LUZP2: variants seen among roughly 807,000 people sequenced by gnomAD.
LUZP2 encodes the protein leucine zipper protein 2.
Under a neutral mutation model 51.6 loss-of-function variants are expected in LUZP2, and 52 were observed. The ratio of observed to expected loss-of-function variants is 1.01; its 90% CI spans 0.81 to 1.27. The LOEUF (loss-of-function observed/expected upper bound fraction) is 1.27. Among genes scored for constraint, LUZP2 ranks in the 50% most tolerant of loss-of-function variants. The probability of loss-of-function intolerance (pLI) is 0.00; values close to 1 mark genes in which losing one functional copy is unlikely to be tolerated. For synonymous variants in LUZP2, 154 were observed against 137.3 expected (o/e 1.12, Z -0.85); for missense variants, 436 against 395.4 (o/e 1.10, Z -0.87).
intron 7 of LUZP2, among the ~76,000 whole-genome samples, chr11:24,915,991 A>C (rs1489267006): frequency 6.6e-6 from 1 of 151,850 alleles, no homozygotes; most frequent in Non-Finnish European, 1.5e-5. Context: ...ATTTTATTTT[A>C]TTTTTTATTT....
chr11:25,002,749 G>A (rs879743568), intron 9 of LUZP2, among the ~76,000 whole-genome samples: 7 of 152,176 alleles, frequency 4.6e-5, no homozygotes, highest in Admixed American at 2.0e-4. Context: ...TCTCTCTGAT[G>A]TATAAAAAGA....
At chr11:25,061,791 C>A (rs1005257321) in intron 10 of LUZP2, among the ~76,000 whole-genome samples, 1 of 152,010 alleles carries the variant, frequency 6.6e-6, no homozygotes, top group Admixed American at 6.6e-5. Context: ...CATCTCTATC[C>A]ATTCTTTCCC....
intron 1 of LUZP2, among the ~76,000 whole-genome samples, chr11:24,687,705 G>T (rs1856936567): frequency 6.6e-6 from 1 of 152,046 alleles, no homozygotes; most frequent in South Asian, 2.1e-4. Flanking sequence ...CTATTTCCTG[G>T]CATCATTGAC....
At chr11:24,629,198 G>A (rs530520048) in intron 1 of LUZP2, among the ~76,000 whole-genome samples, 11 of 151,564 alleles carry the variant, frequency 7.3e-5, no homozygotes, top group Middle Eastern at 3.4e-3. Context: ...AACATACATT[G>A]TACCCATTAA....
In LUZP2 at chr11:25,082,474, A is replaced by C. The variant is rs528265218; in HGVS notation, c.*3816A>C. On this transcript the variant is annotated 3_prime_UTR_variant, in exon 12 of 12. Coordinates refer to ENST00000336930, the MANE Select transcript of LUZP2 (RefSeq NM_001009909.4). ...GCCAGACCTAGACAATGAAGAAAAC[A>C]CATACTGTTTACTTAGGAGACATTT... The C allele has an allele frequency of 8.3e-4, 127 of 152,686 alleles. No individual in the cohort carries two copies. The highest frequency in any genetic ancestry group is 2.9e-3 in the African/African-American group (121 of 41,588). 9.5% of individuals were successfully genotyped at this position (152,686 alleles called of 1,614,324 possible).
chr11:24,958,235 C>A (rs1369437419), intron 7 of LUZP2, among the ~76,000 whole-genome samples: 3 of 152,110 alleles, frequency 2.0e-5, no homozygotes, highest in African/African-American at 4.8e-5. Flanking sequence ...GTCTTTATAG[C>A]AGCATGATTT....
intron 1 of LUZP2, among the ~76,000 whole-genome samples, chr11:24,535,030 T>G (rs1851131991): frequency 6.6e-6 from 1 of 151,442 alleles, no homozygotes; most frequent in South Asian, 2.1e-4. Context: ...ACGTTTTGCT[T>G]TCCCAGTACA....
At chr11:24,765,593 A>G (rs985319058) in intron 5 of LUZP2, among the ~76,000 whole-genome samples, 1 of 151,370 alleles carries the variant, frequency 6.6e-6, no homozygotes, top group Non-Finnish European at 1.5e-5. Context: ...TGAGATAGAC[A>G]GCAACACAAT....
Position 24,602,269 on chromosome 11 carries a change from C to T in LUZP2, c.62+104964C>T, listed in dbSNP as rs1471302601. Reference sequence around the variant, plus strand: ...GTATATATATGCAAACATATATGTACATACATATATACACACATATATATG... The same window carrying T: ...GTATATATATGCAAACATATATGTATATACATATATACACACATATATATG... On this transcript the variant is annotated intron_variant, in intron 1 of 11. Transcript: ENST00000336930. Among the ~76,000 whole-genome samples, 313 of 84,278 alleles carry T rather than the reference C, an allele frequency of 3.7e-3. 1 individual carries two copies. Among genetic ancestry groups the T allele is most frequent in the African/African-American group, 0.011 (189 of 17,560 alleles). 55.3% of individuals were successfully genotyped at this position (84,278 alleles called of 152,430 possible).
chr11:24,690,486 A>G (rs1268912864), intron 1 of LUZP2, among the ~76,000 whole-genome samples: 1 of 152,138 alleles, frequency 6.6e-6, no homozygotes, highest in Non-Finnish European at 1.5e-5. Flanking sequence ...CAATGTGTTC[A>G]CATGTTCTTG....
chr11:24,570,693 A>G (rs1410926580), intron 1 of LUZP2, among the ~76,000 whole-genome samples: 1 of 152,052 alleles, frequency 6.6e-6, no homozygotes. Context: ...GCATCCACAT[A>G]TTCTTATGAT....
chr11:25,063,329 G>A (rs912794360), intron 10 of LUZP2, among the ~76,000 whole-genome samples: 2 of 151,608 alleles, frequency 1.3e-5, no homozygotes, highest in African/African-American at 4.8e-5. Flanking sequence ...GATGATGGAA[G>A]AAATCTCCAG....
chr11:24,786,210 A>G (rs2134084704), intron 5 of LUZP2: 1 of 965,002 alleles, frequency 1.0e-6, no homozygotes, highest in Non-Finnish European at 1.2e-6. Flanking sequence ...ATAATTTTAT[A>G]TTTTTAGGTT....
chr11:24,616,413 A>T (rs1442573301), intron 1 of LUZP2, among the ~76,000 whole-genome samples: 1 of 151,270 alleles, frequency 6.6e-6, no homozygotes, highest in Non-Finnish European at 1.5e-5. Flanking sequence ...CTTTAAGTCG[A>T]CAATTTTTAA....
chr11:24,883,688 A>C (rs1852567253), intron 5 of LUZP2, among the ~76,000 whole-genome samples: 1 of 152,038 alleles, frequency 6.6e-6, no homozygotes, highest in South Asian at 2.1e-4. Context: ...TATGTCCTTC[A>C]GTCATTAGGT....
At chr11:25,073,138 G>A (rs1333182623) in intron 10 of LUZP2, among the ~76,000 whole-genome samples, 1 of 152,084 alleles carries the variant, frequency 6.6e-6, no homozygotes, top group African/African-American at 2.4e-5. Flanking sequence ...ATTGTGACAG[G>A]TTCATAACTA....
intron 4 of LUZP2, among the ~76,000 whole-genome samples, chr11:24,750,615 C>A (rs1336274690): frequency 6.6e-6 from 1 of 152,238 alleles, no homozygotes; most frequent in Admixed American, 6.5e-5. Context: ...ACTTTGGAGT[C>A]ATTCCTCAAG....
Position 24,996,198 on chromosome 11 carries a change from A to T in LUZP2, c.765+12905A>T, listed in dbSNP as rs181215758. On this transcript the variant is annotated intron_variant, in intron 9 of 11. Transcript: ENST00000336930. ...CAATCATATTTTTCTTCTTCTTGACATGTTTCATGTTTTTTGACTGGTCAT... is the reference window on the plus strand; with the variant it reads ...CAATCATATTTTTCTTCTTCTTGACTTGTTTCATGTTTTTTGACTGGTCAT... 1.1e-4 allele frequency among the ~76,000 whole-genome samples: 17 copies of T among 151,448 alleles called. No homozygotes were observed. In the East Asian group the frequency reaches 3.1e-3, roughly 28 times the overall value.
intron 1 of LUZP2, among the ~76,000 whole-genome samples, chr11:24,545,247 T>A (rs576569436): frequency 1.3e-5 from 2 of 152,078 alleles, no homozygotes; most frequent in Non-Finnish European, 2.9e-5. Context: ...ACTCTCTTGA[T>A]AGTTTCTTTT....
Sources: allele counts gnomAD v4.1 joint callset (sites outside exome capture counted in the v4.1 genomes callset), GRCh38; gene constraint gnomAD v4.1.1; transcripts MANE v1.5; gene names NCBI Gene and HGNC (gene_info 2026-07-23, HGNC 2026-07-21).